Variants in TMEM38A observed in about 807,000 individuals in gnomAD.
TMEM38A encodes the protein trimeric intracellular cation channel type A.
A neutral mutation model predicts 28.6 loss-of-function variants in TMEM38A; 17 were observed. The observed-to-expected ratio is 0.60, with a 90% CI of 0.41 to 0.89. The LOEUF (loss-of-function observed/expected upper bound fraction) is 0.89. Ranked by LOEUF, TMEM38A falls within the 40% of genes least tolerant of loss-of-function variation. TMEM38A has a pLI of 0.00. For synonymous variants in TMEM38A, 169 were observed against 166.1 expected (o/e 1.02, Z -0.14); for missense variants, 328 against 393.1 (o/e 0.83, Z 1.40).
rs778592406 is a variant in TMEM38A at position 16,675,544 on chromosome 19, ATTT to A, written c.125-4421_125-4419del. Among the ~76,000 whole-genome samples, 397 of 89,748 alleles carry A rather than the reference ATTT, an allele frequency of 4.4e-3. 3 individuals carry two copies. The highest frequency in any genetic ancestry group is 0.016 in the African/African-American group (373 of 23,722). The allele number at this position is 89,748 out of a possible 152,430, so 58.9% of individuals were successfully genotyped here. On this transcript the variant is annotated intron_variant, in intron 1 of 5. Transcript: ENST00000187762. ...TCACCACGCCTGGCCTCTCTTGACT[ATTT>A]TTTTTTTTTTTTTTTTTTAGAGACA... is the stretch of plus-strand genomic sequence containing the variant.
Position 16,689,721 on chromosome 19 carries a change from G to A in TMEM38A, c.*1350G>A, listed in dbSNP as rs1328397188. On this transcript the variant is annotated 3_prime_UTR_variant, in exon 6 of 6. Coordinates refer to ENST00000187762, the MANE Select transcript of TMEM38A (RefSeq NM_024074.4). ...CTTGTGCTGCTGCTGGGCGGGCCAG[G>A]AGCCTGCTTCAGTGTGAGCGAGGTG... 2 of 152,408 alleles carry A rather than the reference G, an allele frequency of 1.3e-5. No individual in the cohort carries two copies. The highest frequency in any genetic ancestry group is 2.9e-5 in the Non-Finnish European group (2 of 68,202). 9.4% of individuals were successfully genotyped at this position (152,408 alleles called of 1,614,324 possible). A position where few individuals can be genotyped will look rare whatever the true frequency, so the allele number is the denominator to read the frequency against.
Position 16,666,453 on chromosome 19 carries a change from G to A in TMEM38A, c.124+5112G>A, listed in dbSNP as rs568431713. On this transcript the variant is annotated intron_variant, in intron 1 of 5. Coordinates refer to ENST00000187762, the MANE Select transcript of TMEM38A (RefSeq NM_024074.4). ...AAAAAAATTTTTTTTTTTCGAGACA[G>A]GGTCTTGCTCTGTCTCCCAGGCTGG... 2.6e-5 allele frequency among the ~76,000 whole-genome samples: 4 copies of A among 151,656 alleles called. No homozygotes were observed. In the South Asian group the frequency reaches 8.3e-4, roughly 32 times the overall value.
At position 16,661,360 on chromosome 19, in the gene TMEM38A, C is replaced by A; in HGVS notation, c.124+19C>A. ...GAGCCAGGTGAGCCGGGGCGGGGGG[C>A]TGGAGGGGACCGGCAGCGGGTGGCG... On this transcript the variant is annotated intron_variant, in intron 1 of 5. Transcript: ENST00000187762. This position sits in a 1 kb window ranked among gnomAD's most constrained non-coding sequence, Gnocchi z 6.5. The A allele has an allele frequency of 6.4e-7, 1 of 1,562,770 alleles. No individual in the cohort carries two copies. The highest frequency in any genetic ancestry group is 8.7e-7 in the Non-Finnish European group (1 of 1,152,994).
intron 3 of TMEM38A, chr19:16,680,877 C>T (rs991145703): frequency 5.2e-6 from 2 of 384,926 alleles, no homozygotes; most frequent in African/African-American, 4.1e-5. Flanking sequence ...CTGGATCATT[C>T]TTTGTGGTGG....
In TMEM38A at chr19:16,676,100, C is replaced by T. The variant is rs2086749906; in HGVS notation, c.125-3884C>T. Among the ~76,000 whole-genome samples the T allele has an allele frequency of 3.0e-5, 4 of 133,460 alleles. 1 individual carries two copies. Among genetic ancestry groups the T allele is most frequent in the African/African-American group, 1.6e-4 (4 of 25,120 alleles). 87.6% of individuals were successfully genotyped at this position (133,460 alleles called of 152,430 possible). ...TTTTGGCCGGGCGCGGTGGCTCACA[C>T]CTGTAATCCCAGCACTTTGTGAGGC... On this transcript the variant is annotated intron_variant, in intron 1 of 5. Transcript: ENST00000187762.
intron 1 of TMEM38A, among the ~76,000 whole-genome samples, chr19:16,668,439 G>A (rs1288287306): frequency 2.0e-5 from 3 of 151,310 alleles, no homozygotes; most frequent in African/African-American, 4.9e-5. Flanking sequence ...CAGCTACTCC[G>A]GAGGCTGAGG....
chr19:16,681,038 A>C, intron 3 of TMEM38A: 2 of 164,512 alleles, frequency 1.2e-5, no homozygotes, highest in Non-Finnish European at 2.7e-5. Flanking sequence ...GCAGGTGAGA[A>C]CCCCTTCTTC....
rs773508320 is a variant in TMEM38A, at chr19:16,661,339, C to A, written c.122C>A (p.Pro41Gln). 1 of 1,588,468 alleles carries A rather than the reference C, an allele frequency of 6.3e-7. No individual in the cohort carries two copies. Among genetic ancestry groups the A allele is most frequent in the Non-Finnish European group, 8.6e-7 (1 of 1,167,570 alleles). ...TCCATCCTCTACCTCAAGTATGAGCCAGGTGAGCCGGGGCGGGGGGCTGGA... is the reference window on the plus strand; with the variant it reads ...TCCATCCTCTACCTCAAGTATGAGCAAGGTGAGCCGGGGCGGGGGGCTGGA... ...IVSILYLKYE[P>Q]GAVELSRRHP... Residue 41 changes from proline to glutamine, a missense_variant and splice_region_variant, in exon 1 of 6, where the codon CCA (proline) becomes CAA (glutamine). Pro to Gln is a moderately conservative substitution (Grantham distance 76). Coordinates refer to ENST00000187762, the MANE Select transcript of TMEM38A (RefSeq NM_024074.4). The surrounding 1 kb of genome is among the most constrained non-coding windows in gnomAD (Gnocchi z 6.5).
At chr19:16,684,407 A>G (rs2122598663) in intron 4 of TMEM38A, among the ~76,000 whole-genome samples, 1 of 152,048 alleles carries the variant, frequency 6.6e-6, no homozygotes, top group African/African-American at 2.4e-5. Flanking sequence ...TTGGTCTCAG[A>G]AGGTTGAAGC....
chr19:16,667,289 AAG>A (rs531948475), intron 1 of TMEM38A, among the ~76,000 whole-genome samples: 3,391 of 151,702 alleles, frequency 0.022, 47 homozygotes, highest in Middle Eastern at 0.041. Context: ...GAAAAAAAAA[AAG>A]AGAAAGAAAT....
chr19:16,682,408 C>A lies in TMEM38A; in HGVS notation c.467-13C>A, dbSNP rs370629581. 5.0e-6 allele frequency: 8 copies of A among 1,613,570 alleles called. No individual in the cohort carries two copies. The highest frequency in any genetic ancestry group is 1.7e-5 in the Admixed American group (1 of 59,972). ...GGGGTGGTGGGCTTGTTCAGAAGCA[C>A]CCTGTCCTGTAGGTTCTGGTGTCGC... On this transcript the variant is annotated splice_polypyrimidine_tract_variant and intron_variant, in intron 3 of 5. Transcript: ENST00000187762.
chr19:16,680,431 T>G lies in TMEM38A; in HGVS notation c.316T>G (p.Tyr106Asp). The G allele has an allele frequency of 6.2e-7, 1 of 1,614,156 alleles. No individual in the cohort carries two copies. The highest frequency in any genetic ancestry group is 8.5e-7 in the Non-Finnish European group (1 of 1,180,026). The change falls in exon 3 of 6, where the codon TAC (tyrosine) becomes GAC (aspartate). Residue 106 changes from tyrosine to aspartate, a missense_variant. Tyr to Asp is a radical substitution (Grantham distance 160). Transcript: ENST00000187762. ...TTTCTTCTGCCCCCTGGACCTCTTC[T>G]ACAAGTGTGTCTGCTTCCTGCCTGT... Reference protein sequence around the residue: ...LIFFCPLDLFYKCVCFLPVKL... With the variant: ...LIFFCPLDLFDKCVCFLPVKL...
intron 1 of TMEM38A, among the ~76,000 whole-genome samples, chr19:16,668,502 C>CAA (rs1215843373): frequency 6.1e-4 from 45 of 73,658 alleles, no homozygotes; most frequent in Middle Eastern, 8.2e-3. Flanking sequence ...GACTCTGTCT[C>CAA]AAAAAAAAAA....
chr19:16,685,088 C>T (rs971470475), intron 4 of TMEM38A, among the ~76,000 whole-genome samples: 1 of 103,630 alleles, frequency 9.6e-6, no homozygotes, highest in African/African-American at 6.2e-5. Flanking sequence ...ATAAATAAAA[C>T]GAAATCAGCA....
intron 1 of TMEM38A, among the ~76,000 whole-genome samples, chr19:16,673,628 T>G (rs1461404612): frequency 2.0e-5 from 3 of 152,200 alleles, no homozygotes; most frequent in Non-Finnish European, 4.4e-5. Context: ...TAATGCCCAC[T>G]GATGCGCTCA....
chr19:16,663,035 CT>C (rs1200859165), intron 1 of TMEM38A, among the ~76,000 whole-genome samples: 1 of 151,832 alleles, frequency 6.6e-6, no homozygotes, highest in Non-Finnish European at 1.5e-5. Flanking sequence ...AATCCCAGCA[CT>C]TTGGGAGGCC....
chr19:16,667,946 C>T (rs1201925569), intron 1 of TMEM38A, among the ~76,000 whole-genome samples: 4 of 149,050 alleles, frequency 2.7e-5, no homozygotes, highest in Non-Finnish European at 4.5e-5. Flanking sequence ...TGGTGGCTCA[C>T]GCCTGTAATC....
intron 1 of TMEM38A, among the ~76,000 whole-genome samples, chr19:16,676,755 C>CTTTTTT (rs960732087): frequency 1.0e-4 from 12 of 119,272 alleles, no homozygotes; most frequent in Non-Finnish European, 1.7e-4. Context: ...TTTTCATGAC[C>CTTTTTT]TTTTTTTTTT....
In TMEM38A at chr19:16,682,496, T is replaced by C. The variant is rs373452388; in HGVS notation, c.542T>C (p.Leu181Pro). The change falls in exon 4 of 6, where the codon CTG becomes CCG. Residue 181 changes from leucine (L) to proline (P), a missense_variant. Physicochemically the swap from Leu to Pro is moderately conservative, Grantham distance 98. Transcript: ENST00000187762. ...GVWKPETNEI[L>P]HMSFPTKASL... ...TGGAAGCCAGAGACCAACGAGATCC[T>C]GCACATGTCTTTGTGAGTATCCCAC... 1.4e-5 allele frequency: 22 copies of C among 1,614,070 alleles called. No homozygotes were observed. The African/African-American group carries it at 2.9e-4, about 22-fold the overall frequency.
Sources: allele counts gnomAD v4.1 joint callset (sites outside exome capture counted in the v4.1 genomes callset), GRCh38; gene constraint gnomAD v4.1.1; non-coding constraint Gnocchi (gnomAD v3.1); transcripts MANE v1.5; gene names NCBI Gene and HGNC (gene_info 2026-07-23, HGNC 2026-07-21).